The following TRERF1 variants were observed in gnomAD, a reference collection of about 807,000 sequenced individuals.
TRERF1 encodes the protein transcriptional-regulating factor 1.
In TRERF1, 27 loss-of-function variants were observed where a neutral mutation model predicts 122.9. The ratio of observed to expected loss-of-function variants is 0.22; its 90% CI spans 0.16 to 0.30. TRERF1 has a LOEUF of 0.30. Ranked by LOEUF, TRERF1 falls within the 10% of genes least tolerant of loss-of-function variation. The probability of loss-of-function intolerance (pLI) is 1.00; values close to 1 mark genes in which losing one functional copy is unlikely to be tolerated. For synonymous variants in TRERF1, 636 were observed against 641.7 expected (o/e 0.99, Z 0.13); for missense variants, 1,248 against 1,560.3 (o/e 0.80, Z 3.37).
intron 3 of TRERF1, among the ~76,000 whole-genome samples, chr6:42,305,260 C>T (rs1214107821): frequency 1.3e-5 from 2 of 152,288 alleles, no homozygotes; most frequent in African/African-American, 4.8e-5. Flanking sequence ...TATCTCCTTC[C>T]CATATGACCA....
At chr6:42,404,274 C>A (rs1233125547) in intron 2 of TRERF1, among the ~76,000 whole-genome samples, 1 of 152,136 alleles carries the variant, frequency 6.6e-6, no homozygotes, top group African/African-American at 2.4e-5. Flanking sequence ...TCATCTTTGT[C>A]AATGGTGCCA....
intron 16 of TRERF1, among the ~76,000 whole-genome samples, chr6:42,233,538 G>A (rs541012140): frequency 3.3e-5 from 5 of 152,110 alleles, no homozygotes; most frequent in Non-Finnish European, 7.4e-5. Flanking sequence ...GCCCGCCTTG[G>A]CCTCCCAAAG....
chr6:42,301,262 C>T (rs1293125878), intron 3 of TRERF1, among the ~76,000 whole-genome samples: 1 of 152,202 alleles, frequency 6.6e-6, no homozygotes, highest in Non-Finnish European at 1.5e-5. Flanking sequence ...CAGAGTCTCA[C>T]TCTGTTGCCC....
At chr6:42,373,787 C>A (rs1328548914) in intron 2 of TRERF1, among the ~76,000 whole-genome samples, 1 of 149,196 alleles carries the variant, frequency 6.7e-6, no homozygotes, top group Non-Finnish European at 1.5e-5. Context: ...GCCAAGATTG[C>A]ACCATTGCAT....
At chr6:42,383,119 A>G (rs112403927) in intron 2 of TRERF1, among the ~76,000 whole-genome samples, 14,563 of 152,068 alleles carry the variant, frequency 0.096, 1,084 homozygotes, top group African/African-American at 0.21. Context: ...TACTAGGGAG[A>G]CTGAGGTAGG....
intron 4 of TRERF1, among the ~76,000 whole-genome samples, chr6:42,279,854 A>AC (rs767124967): frequency 3.6e-4 from 54 of 152,026 alleles, no homozygotes; most frequent in Non-Finnish European, 6.9e-4. Flanking sequence ...CCAAAGGGTC[A>AC]CCCAGGGCCC....
intron 3 of TRERF1, among the ~76,000 whole-genome samples, chr6:42,354,388 T>C (rs1404703574): frequency 1.1e-5 from 1 of 94,168 alleles, no homozygotes; most frequent in Admixed American, 9.6e-5. Flanking sequence ...TTGTTTCCCT[T>C]TTTTTTTTTC....
At chr6:42,402,144 T>C (rs1779475583) in intron 2 of TRERF1, among the ~76,000 whole-genome samples, 2 of 152,060 alleles carry the variant, frequency 1.3e-5, no homozygotes, top group Non-Finnish European at 2.9e-5. Flanking sequence ...CAGTAGTAAA[T>C]TTAGGAATGA....
rs752756580 is a variant in TRERF1 at position 42,268,716 on chromosome 6, G to A, written c.875C>T (p.Pro292Leu). ...TGGCTGTGATGGGCGAATTTGTTGC[G>A]GCTGCGTCTGTATTTCTTGCATGGA... The change falls in exon 5 of 18, where the codon CCG becomes CTG. Residue 292 changes from proline to leucine, a missense_variant. Transcript: ENST00000372922. The surrounding 1 kb of genome is among the most constrained non-coding windows in gnomAD (Gnocchi z 4.4). 40 of 1,613,994 alleles carry A rather than the reference G, an allele frequency of 2.5e-5. No homozygotes were observed. The highest frequency in any genetic ancestry group is 4.4e-5 in the South Asian group (4 of 91,084).
At chr6:42,357,626 GCA>G (rs1233839538) in intron 3 of TRERF1, among the ~76,000 whole-genome samples, 1 of 152,172 alleles carries the variant, frequency 6.6e-6, no homozygotes, top group Non-Finnish European at 1.5e-5. Context: ...CTGCAGGAAG[GCA>G]ACCAACTTGC....
At chr6:42,434,134 A>G (rs762386778) in intron 2 of TRERF1, among the ~76,000 whole-genome samples, 1 of 152,202 alleles carries the variant, frequency 6.6e-6, no homozygotes, top group Non-Finnish European at 1.5e-5. Flanking sequence ...AAAATACATA[A>G]AGGCACAGAA....
chr6:42,413,561 C>T (rs1781416673), intron 2 of TRERF1, among the ~76,000 whole-genome samples: 1 of 151,688 alleles, frequency 6.6e-6, no homozygotes, highest in African/African-American at 2.4e-5. Flanking sequence ...TCCTGAGTAG[C>T]TGGGTCTATA....
At chr6:42,308,713 T>C (rs755804669) in intron 3 of TRERF1, among the ~76,000 whole-genome samples, 6 of 152,170 alleles carry the variant, frequency 3.9e-5, no homozygotes, top group Non-Finnish European at 7.3e-5. Context: ...ATGTTCTTAC[T>C]TATAAGTGGG....
At position 42,262,542 on chromosome 6, in the gene TRERF1, A is replaced by C. The variant is rs1304535590; in HGVS notation, c.1884+778T>G. The stretch of plus-strand genomic sequence containing the variant: ...GAGAGAGAGAGAGAGAGAGAGAGAG[A>C]GAGAGAGAGAGAGAGAGAGAGAGAG... On this transcript the variant is annotated intron_variant, in intron 8 of 17. Transcript: ENST00000372922. 9.8e-4 allele frequency among the ~76,000 whole-genome samples: 81 copies of C among 82,508 alleles called. 8 individuals are homozygous for C. Among genetic ancestry groups the C allele is most frequent in the South Asian group, 3.9e-3 (7 of 1,790 alleles). The allele number at this position is 82,508 out of a possible 152,430, so 54.1% of individuals were successfully genotyped here.
At chr6:42,444,694 C>T (rs555731152) in intron 2 of TRERF1, among the ~76,000 whole-genome samples, 59 of 152,304 alleles carry the variant, frequency 3.9e-4, no homozygotes, top group African/African-American at 1.3e-3. Flanking sequence ...TGACCCAACT[C>T]GTTTCTCTTG....
intron 2 of TRERF1, among the ~76,000 whole-genome samples, chr6:42,412,479 TA>T (rs2151466080): frequency 6.6e-6 from 1 of 152,164 alleles, no homozygotes; most frequent in East Asian, 1.9e-4. Flanking sequence ...ACAGGCGAAA[TA>T]AAAACCAGGA....
chr6:42,336,345 G>T (rs180896352), intron 3 of TRERF1, among the ~76,000 whole-genome samples: 1 of 151,976 alleles, frequency 6.6e-6, no homozygotes, highest in Non-Finnish European at 1.5e-5. Context: ...CACCATCCCC[G>T]ACCATCATGC....
At chr6:42,230,227 C>T (rs1224985984) in intron 17 of TRERF1, among the ~76,000 whole-genome samples, 1 of 152,120 alleles carries the variant, frequency 6.6e-6, no homozygotes, top group Non-Finnish European at 1.5e-5. Context: ...ATTTCAGCAC[C>T]TCTAAGAGGT....
At chr6:42,252,241 G>T (rs1358825765) in intron 13 of TRERF1, among the ~76,000 whole-genome samples, 1 of 152,234 alleles carries the variant, frequency 6.6e-6, no homozygotes, top group Non-Finnish European at 1.5e-5. Context: ...ATCTCTCCTG[G>T]GTCCCAGCAC....
Sources: allele counts gnomAD v4.1 joint callset (sites outside exome capture counted in the v4.1 genomes callset), GRCh38; gene constraint gnomAD v4.1.1; non-coding constraint Gnocchi (gnomAD v3.1); transcripts MANE v1.5; gene names NCBI Gene and HGNC (gene_info 2026-07-23, HGNC 2026-07-21).